DLGAP2: variants seen among roughly 807,000 people sequenced by gnomAD.
DLGAP2 encodes the protein DLG associated protein 2.
Under a neutral mutation model 100.3 loss-of-function variants are expected in DLGAP2, and 26 were observed. The ratio of observed to expected loss-of-function variants is 0.26; its 90% CI spans 0.19 to 0.36. DLGAP2 has a LOEUF of 0.36. Among genes scored for constraint, DLGAP2 ranks in the 10% least tolerant of loss-of-function variants. The pLI is 1.00. For synonymous variants in DLGAP2, 886 were observed against 630.1 expected (o/e 1.41, Z -6.08); for missense variants, 1,858 against 1,453.2 (o/e 1.28, Z -4.53).
rs539843943 is a variant in DLGAP2 at position 1,166,910 on chromosome 8, G to C, written c.74-91941G>C. Among the ~76,000 whole-genome samples the C allele has an allele frequency of 3.3e-5, 5 of 152,238 alleles. No homozygotes were observed. In the South Asian group the frequency reaches 1.0e-3, roughly 32 times the overall value. ...AAAAAACACTCCTAGTGTTTGGGAG[G>C]CCAAGGTGAGAGGACCACGAGGCCA... On this transcript the variant is annotated intron_variant, in intron 2 of 14. Transcript: ENST00000637795.
intron 3 of DLGAP2, among the ~76,000 whole-genome samples, chr8:1,441,086 G>A (rs184245744): frequency 4.6e-5 from 7 of 152,224 alleles, no homozygotes; most frequent in Admixed American, 2.6e-4. Context: ...GTCTATGTTC[G>A]AAACATAATC....
chr8:1,552,401 C>A (rs974364151), intron 5 of DLGAP2, among the ~76,000 whole-genome samples: 1 of 152,188 alleles, frequency 6.6e-6, no homozygotes, highest in Non-Finnish European at 1.5e-5. Context: ...CCTCACTGTC[C>A]CCCAGTGGTT....
intron 5 of DLGAP2, among the ~76,000 whole-genome samples, chr8:1,551,128 C>G (rs1016519193): frequency 6.6e-6 from 1 of 152,248 alleles, no homozygotes; most frequent in African/African-American, 2.4e-5. Context: ...ATTGCCTTTG[C>G]AGGCAGATTT....
intron 3 of DLGAP2, among the ~76,000 whole-genome samples, chr8:1,284,432 G>C (rs369214088): frequency 1.3e-5 from 2 of 152,112 alleles, no homozygotes; most frequent in East Asian, 3.9e-4. Flanking sequence ...GTGTGCAGGT[G>C]TGTGGACCGT....
chr8:1,206,790 TTGTC>T (rs767283917), intron 2 of DLGAP2, among the ~76,000 whole-genome samples: 2 of 152,214 alleles, frequency 1.3e-5, no homozygotes, highest in South Asian at 2.1e-4. Flanking sequence ...CTACCATTCT[TTGTC>T]TGCACCTGCA....
intron 2 of DLGAP2, among the ~76,000 whole-genome samples, chr8:1,026,681 T>A (rs1002131313): frequency 1.3e-5 from 2 of 152,230 alleles, no homozygotes; most frequent in African/African-American, 4.8e-5. Flanking sequence ...TCATTTTGAA[T>A]TGAAAATATT....
chr8:1,024,125 G>A (rs1204942864), intron 2 of DLGAP2, among the ~76,000 whole-genome samples: 1 of 151,230 alleles, frequency 6.6e-6, no homozygotes, highest in Non-Finnish European at 1.5e-5. Context: ...CAGTGGAGGA[G>A]TGGACAGTCC....
At chr8:1,659,704 C>A (rs557768538) in intron 8 of DLGAP2, among the ~76,000 whole-genome samples, 1 of 152,194 alleles carries the variant, frequency 6.6e-6, no homozygotes, top group African/African-American at 2.4e-5. Flanking sequence ...GGTTAATATT[C>A]CTCCATCCCT....
chr8:1,318,016 CGTGTGTGAGTG>C (rs2117032393), intron 3 of DLGAP2, among the ~76,000 whole-genome samples: 1 of 33,178 alleles, frequency 3.0e-5, no homozygotes, highest in Admixed American at 3.8e-4. Context: ...AAAAATAGAG[CGTGTGTGAGTG>C]CAGCGTCTCT....
In DLGAP2 at chr8:1,633,051, G is replaced by C. The variant is rs1797688511; in HGVS notation, c.1810+5G>C. 6.2e-7 allele frequency: 1 copy of C among 1,613,970 alleles called. No individual in the cohort carries two copies. Among genetic ancestry groups the C allele is most frequent in the Non-Finnish European group, 8.5e-7 (1 of 1,179,890 alleles). On this transcript the variant is annotated splice_donor_5th_base_variant and intron_variant, in intron 8 of 14. Coordinates refer to ENST00000637795, the MANE Select transcript of DLGAP2 (RefSeq NM_001346810.2). ...CCACCATCAGGTCAACAGCAGGTAA[G>C]GGGACGCCATTTTCAGCCTTCCAGC...
intron 3 of DLGAP2, among the ~76,000 whole-genome samples, chr8:1,408,810 G>C (rs1584868366): frequency 6.6e-6 from 1 of 151,982 alleles, no homozygotes; most frequent in African/African-American, 2.4e-5. Context: ...CACTTTCACT[G>C]CGTTAACAGG....
intron 3 of DLGAP2, among the ~76,000 whole-genome samples, chr8:1,282,124 C>G (rs1157792568): frequency 1.4e-5 from 2 of 147,010 alleles, no homozygotes; most frequent in Non-Finnish European, 3.0e-5. Context: ...ACCATCCGGA[C>G]ATGGTGTGAC....
At chr8:1,414,391 G>A (rs1461476207) in intron 3 of DLGAP2, among the ~76,000 whole-genome samples, 2 of 152,238 alleles carry the variant, frequency 1.3e-5, no homozygotes, top group Non-Finnish European at 2.9e-5. Flanking sequence ...AGAAATGCAA[G>A]GTCCGGGGTG....
intron 12 of DLGAP2, among the ~76,000 whole-genome samples, chr8:1,689,254 C>A (rs970338080): frequency 3.9e-5 from 6 of 152,176 alleles, no homozygotes; most frequent in African/African-American, 1.4e-4. Context: ...GACTTTCTGG[C>A]CCGACCCGGA....
chr8:1,493,825 G>C (rs188285497), intron 3 of DLGAP2, among the ~76,000 whole-genome samples: 3,014 of 152,302 alleles, frequency 0.02, 69 homozygotes, highest in Middle Eastern at 0.037. Flanking sequence ...GACGCGGCAC[G>C]ACCCTGCTTC....
intron 3 of DLGAP2, among the ~76,000 whole-genome samples, chr8:1,266,747 G>C (rs762113162): frequency 1.1e-4 from 16 of 152,072 alleles, no homozygotes; most frequent in Non-Finnish European, 2.1e-4. Flanking sequence ...TGCAGACCCA[G>C]TGTGTGTATA....
intron 1 of DLGAP2, among the ~76,000 whole-genome samples, chr8:773,231 C>A (rs992284737): frequency 2.6e-5 from 4 of 152,096 alleles, no homozygotes; most frequent in Admixed American, 1.3e-4. Context: ...TGATTTCTCA[C>A]AGTGTTTTCA....
At chr8:1,500,188 C>G (rs972992174) in intron 3 of DLGAP2, among the ~76,000 whole-genome samples, 3 of 152,350 alleles carry the variant, frequency 2.0e-5, no homozygotes, top group Non-Finnish European at 4.4e-5. Context: ...TTTACATGCA[C>G]ATGTAACGTG....
chr8:1,636,822 A>G (rs1797777821), intron 8 of DLGAP2, among the ~76,000 whole-genome samples: 1 of 152,268 alleles, frequency 6.6e-6, no homozygotes, highest in Admixed American at 6.5e-5. Context: ...CTTGAATTTG[A>G]AAAAGTAGAG....
Sources: allele counts gnomAD v4.1 joint callset (sites outside exome capture counted in the v4.1 genomes callset), GRCh38; gene constraint gnomAD v4.1.1; transcripts MANE v1.5; gene names NCBI Gene and HGNC (gene_info 2026-07-23, HGNC 2026-07-21).